ACOT11: variants seen among roughly 807,000 people sequenced by gnomAD.
The protein encoded by ACOT11 is acyl-coenzyme A thioesterase 11.
In ACOT11, 69 loss-of-function variants were observed where a neutral mutation model predicts 77.5. That is an observed-to-expected ratio of 0.89 (90% CI 0.73 to 1.09). ACOT11 has a LOEUF of 1.09. ACOT11 is among the 50% of genes least tolerant of loss of function. The pLI is 0.00. For synonymous variants in ACOT11, 279 were observed against 313.0 expected (o/e 0.89, Z 1.15); for missense variants, 766 against 813.7 (o/e 0.94, Z 0.71).
At chr1:54,591,197 C>T (rs547368629) in intron 3 of ACOT11, among the ~76,000 whole-genome samples, 1 of 152,314 alleles carries the variant, frequency 6.6e-6, no homozygotes, top group Non-Finnish European at 1.5e-5. Flanking sequence ...CAGGAATCAA[C>T]AAATGTCTGG....
At chr1:54,623,136 C>T in intron 15 of ACOT11, 2 of 604,090 alleles carry the variant, frequency 3.3e-6, no homozygotes, top group Non-Finnish European at 5.8e-6. Flanking sequence ...AGAATCGTGC[C>T]ATTGTACTCC....
chr1:54,600,590 C>T (rs968812674), intron 8 of ACOT11, among the ~76,000 whole-genome samples: 31 of 152,168 alleles, frequency 2.0e-4, no homozygotes, highest in African/African-American at 6.7e-4. Flanking sequence ...GGCTGAGGCA[C>T]GAGAATCCCT....
At chr1:54,591,080 G>C (rs1654696686) in intron 3 of ACOT11, among the ~76,000 whole-genome samples, 1 of 152,120 alleles carries the variant, frequency 6.6e-6, no homozygotes, top group Non-Finnish European at 1.5e-5. Flanking sequence ...TAAACGATTT[G>C]AAAGTGAGTT....
chr1:54,548,316 C>A lies in ACOT11; in HGVS notation c.7C>A (p.Gln3Lys). 1 of 1,601,028 alleles carries A rather than the reference C, an allele frequency of 6.2e-7. No individual in the cohort carries two copies. Among genetic ancestry groups the A allele is most frequent in the Non-Finnish European group, 8.5e-7 (1 of 1,174,364 alleles). ...TCCCCGGCCACCCGGCGCGATGATC[C>A]AGAATGTCGGAAATCACCTGCGACG... The part of the protein sequence containing the change: MI[Q>K]NVGNHLRRGL... Residue 3 changes from glutamine to lysine, a missense_variant, in exon 1 of 16, where the codon CAG becomes AAG. Gln to Lys is a moderately conservative substitution (Grantham distance 53). Coordinates refer to ENST00000343744, the MANE Select transcript of ACOT11 (RefSeq NM_147161.4).
chr1:54,554,109 G>A (rs371178688), intron 1 of ACOT11, among the ~76,000 whole-genome samples: 26 of 151,824 alleles, frequency 1.7e-4, no homozygotes, highest in African/African-American at 6.3e-4. Context: ...GGAGGTGAAG[G>A]TTGCTGTGAG....
chr1:54,587,942 C>T (rs550939039), intron 3 of ACOT11, among the ~76,000 whole-genome samples: 33 of 151,966 alleles, frequency 2.2e-4, no homozygotes, highest in African/African-American at 7.7e-4. Flanking sequence ...AGGCCGGGCG[C>T]AGTGGCTTGT....
At position 54,585,879 on chromosome 1, in the gene ACOT11, G is replaced by A; in HGVS notation, c.286G>A (p.Asp96Asn). The change falls in exon 3 of 16, where the codon GAC becomes AAC. Residue 96 changes from aspartate (D) to asparagine (N), a missense_variant. Physicochemically the swap from Asp to Asn is conservative, Grantham distance 23 (BLOSUM62 1). Coordinates refer to ENST00000343744, the MANE Select transcript of ACOT11 (RefSeq NM_147161.4). ...CCCCTGTGTCACAGCTTCCATGGATGACATCTATTTTGAGCACACCATTAG... is the reference window on the plus strand; with the variant it reads ...CCCCTGTGTCACAGCTTCCATGGATAACATCTATTTTGAGCACACCATTAG... ...GCPCVTASMD[D>N]IYFEHTISVG... 6.2e-7 allele frequency: 1 copy of A among 1,614,118 alleles called. No homozygotes were observed. The highest frequency in any genetic ancestry group is 8.5e-7 in the Non-Finnish European group (1 of 1,180,002).
At chr1:54,620,428 G>A (rs1314555514) in intron 15 of ACOT11, among the ~76,000 whole-genome samples, 1 of 152,232 alleles carries the variant, frequency 6.6e-6, no homozygotes, top group Middle Eastern at 3.2e-3. Context: ...AGAGGGGGCC[G>A]GGCATGGTGG....
At chr1:54,618,269 C>T (rs1005431088) in intron 15 of ACOT11, among the ~76,000 whole-genome samples, 42 of 152,032 alleles carry the variant, frequency 2.8e-4, no homozygotes, top group African/African-American at 9.7e-4. Flanking sequence ...TTTGGGAGCC[C>T]GAGAAGGGCG....
chr1:54,626,153 G>A (rs932165462), intron 15 of ACOT11, among the ~76,000 whole-genome samples: 3 of 151,754 alleles, frequency 2.0e-5, no homozygotes, highest in South Asian at 2.1e-4. Flanking sequence ...CCAGCTACTC[G>A]GGATTACAGT....
intron 1 of ACOT11, among the ~76,000 whole-genome samples, chr1:54,573,709 G>A (rs1654001813): frequency 6.6e-6 from 1 of 152,108 alleles, no homozygotes; most frequent in African/African-American, 2.4e-5. Context: ...TTCCAGCCTG[G>A]GTGACAGAGT....
chr1:54,606,585 C>A (rs981844741), intron 13 of ACOT11, among the ~76,000 whole-genome samples: 1 of 152,208 alleles, frequency 6.6e-6, no homozygotes, highest in African/African-American at 2.4e-5. Flanking sequence ...TCCTTATTAG[C>A]TCTGTGGCCG....
Position 54,609,181 on chromosome 1 carries a change from T to G in ACOT11, c.*69T>G, listed in dbSNP as rs1241428118. 2 of 1,604,594 alleles carry G rather than the reference T, an allele frequency of 1.2e-6. No individual in the cohort carries two copies. The highest frequency in any genetic ancestry group is 3.4e-5 in the Admixed American group (2 of 59,126). On this transcript the variant is annotated 3_prime_UTR_variant, in exon 16 of 16. Transcript: ENST00000343744. ...TCCCCAAGGACTCACATACAGTGCC[T>G]GGAGAAAGCCAAAGACCTTTATTTC... is the stretch of plus-strand genomic sequence containing the variant.
intron 12 of ACOT11, among the ~76,000 whole-genome samples, chr1:54,604,805 C>A (rs1644005989): frequency 6.6e-6 from 1 of 152,234 alleles, no homozygotes; most frequent in African/African-American, 2.4e-5. Flanking sequence ...CAAGCCACTT[C>A]CTGCCTGTGC....
chr1:54,577,212 G>A (rs1043918069), intron 1 of ACOT11, among the ~76,000 whole-genome samples: 3 of 152,022 alleles, frequency 2.0e-5, no homozygotes, highest in Admixed American at 6.6e-5. Flanking sequence ...GCACATTCAC[G>A]GTGTTGTACA....
chr1:54,610,367 C>G (rs758034352), downstream of ACOT11: 6 of 1,600,340 alleles, frequency 3.7e-6, no homozygotes, highest in African/African-American at 5.4e-5. Flanking sequence ...AAAGGACACC[C>G]CTGCAGATGA....
intron 1 of ACOT11, among the ~76,000 whole-genome samples, chr1:54,572,580 C>A (rs1448328429): frequency 6.6e-6 from 1 of 152,074 alleles, no homozygotes; most frequent in Non-Finnish European, 1.5e-5. Context: ...GGGGGGGGGT[C>A]ACACGGAAAG....
intron 1 of ACOT11, among the ~76,000 whole-genome samples, chr1:54,565,459 C>A (rs1653702543): frequency 1.3e-5 from 2 of 152,192 alleles, no homozygotes; most frequent in Admixed American, 1.3e-4. Flanking sequence ...CTGCTGCACT[C>A]CTGCCAGGCT....
chr1:54,561,075 ATTTTTTAT>A lies in ACOT11; in HGVS notation c.33+12740_33+12747del, dbSNP rs201627970. Reference sequence around the variant, plus strand: ...GCCATCGTGCCCAGCTGCTTGGCTGATTTTTTATTTTTTTTATTTTTTTTTATTTTTTA... The same window carrying A: ...GCCATCGTGCCCAGCTGCTTGGCTGATTTTTTTATTTTTTTTTATTTTTTA... On this transcript the variant is annotated intron_variant, in intron 1 of 15. Coordinates refer to ENST00000343744, the MANE Select transcript of ACOT11 (RefSeq NM_147161.4). 5.7e-5 allele frequency among the ~76,000 whole-genome samples: 4 copies of A among 69,866 alleles called. No individual in the cohort carries two copies. In the South Asian group the frequency reaches 1.8e-3, roughly 32 times the overall value. The allele number at this position is 69,866 out of a possible 152,430, so 45.8% of individuals were successfully genotyped here.
Sources: gnomAD v4.1 joint callset for allele counts (sites outside exome capture counted in the v4.1 genomes callset) on GRCh38, gnomAD v4.1.1 for gene constraint, MANE v1.5 for transcripts, NCBI Gene and HGNC (gene_info 2026-07-23, HGNC 2026-07-21) for gene names.